The following LINGO2 variants were observed in gnomAD, a reference collection of about 807,000 sequenced individuals.
LINGO2 encodes the protein leucine-rich repeat and immunoglobulin-like domain-containing nogo receptor-interacting protein 2.
A neutral mutation model predicts 30.6 loss-of-function variants in LINGO2; 14 were observed. The observed-to-expected ratio is 0.46, with a 90% confidence interval of 0.30 to 0.72. The LOEUF is 0.72. Among genes scored for constraint, LINGO2 ranks in the 30% least tolerant of loss-of-function variants. LINGO2 has a pLI of 0.07. For synonymous variants in LINGO2, 317 were observed against 288.5 expected, an observed-to-expected ratio of 1.10 and a Z score of -1.00; for missense variants, 729 against 751.7, an observed-to-expected ratio of 0.97 and a Z score of 0.35.
the LINGO2 span, among the ~76,000 whole-genome samples, chr9:29,206,729 G>A: frequency 1.3e-5 from 2 of 152,026 alleles, no homozygotes; most frequent in Admixed American, 6.6e-5. Flanking sequence ...GCTTATCACC[G>A]ATTTTTGTCT....
chr9:28,215,521 A>G (rs1324724649), intron 4 of LINGO2, among the ~76,000 whole-genome samples: 1 of 151,868 alleles, frequency 6.6e-6, no homozygotes, highest in East Asian at 1.9e-4. Context: ...TGCTTAAATC[A>G]CATTTTTTGA....
the LINGO2 span, among the ~76,000 whole-genome samples, chr9:29,107,387 C>A: frequency 6.6e-6 from 1 of 151,932 alleles, no homozygotes; most frequent in African/African-American, 2.4e-5. Context: ...ATGAATCGTA[C>A]GATTTTAAGA....
At chr9:28,241,400 C>A (rs1313618532) in intron 4 of LINGO2, among the ~76,000 whole-genome samples, 1 of 151,796 alleles carries the variant, frequency 6.6e-6, no homozygotes, top group Middle Eastern at 3.2e-3. Flanking sequence ...GTGTGCAAGT[C>A]CTGCAGTGGT....
At chr9:29,055,800 T>C in the LINGO2 span, among the ~76,000 whole-genome samples, 3 of 151,896 alleles carry the variant, frequency 2.0e-5, no homozygotes, top group Admixed American at 6.6e-5. Flanking sequence ...CACTTATGAG[T>C]GAGAACATGC....
intron 4 of LINGO2, among the ~76,000 whole-genome samples, chr9:28,174,919 TGTGAGAGAGA>T (rs1684040268): frequency 2.1e-5 from 3 of 142,382 alleles, no homozygotes; most frequent in African/African-American, 8.2e-5. Context: ...TGTGTGTGTG[TGTGAGAGAGA>T]GAGAGAGAGA....
At chr9:29,074,785 A>G in the LINGO2 span, among the ~76,000 whole-genome samples, 4 of 142,372 alleles carry the variant, frequency 2.8e-5, no homozygotes, top group African/African-American at 1.1e-4. Context: ...TCCCAGGTTC[A>G]GCCTCCCGAG....
chr9:28,264,774 A>G (rs1247579232), intron 4 of LINGO2, among the ~76,000 whole-genome samples: 1 of 151,972 alleles, frequency 6.6e-6, no homozygotes, highest in African/African-American at 2.4e-5. Context: ...TCATGTGTCA[A>G]ATTGGCTAGG....
Position 27,982,063 on chromosome 9 carries a change from C to G in LINGO2, c.-36+30292G>C, listed in dbSNP as rs531158834. Among the ~76,000 whole-genome samples the G allele has an allele frequency of 2.7e-4, 41 of 151,858 alleles. 1 individual carries two copies. Among genetic ancestry groups the G allele is most frequent in the African/African-American group, 9.9e-4 (41 of 41,476 alleles). ...TCTGTGAAAACTGACTTTTCCTTCC[C>G]TCATGAAATTTTAAATTACAGCCTG... On this transcript the variant is annotated intron_variant, in intron 5 of 5. Transcript: ENST00000379992.
At chr9:29,177,708 G>T in the LINGO2 span, among the ~76,000 whole-genome samples, 11 of 151,942 alleles carry the variant, frequency 7.2e-5, no homozygotes, top group African/African-American at 2.7e-4. Context: ...AATACTTTAG[G>T]TATTCTTAGT....
At chr9:28,764,646 A>T in the LINGO2 span, among the ~76,000 whole-genome samples, 1 of 151,954 alleles carries the variant, frequency 6.6e-6, no homozygotes, top group African/African-American at 2.4e-5. Context: ...TGGAAATACT[A>T]GCAAGAGCAA....
chr9:28,931,145 C>T, the LINGO2 span, among the ~76,000 whole-genome samples: 1 of 152,168 alleles, frequency 6.6e-6, no homozygotes, highest in African/African-American at 2.4e-5. Flanking sequence ...CCATATACTC[C>T]ATGGTATGAT....
At chr9:29,154,175 T>G in the LINGO2 span, among the ~76,000 whole-genome samples, 3 of 152,252 alleles carry the variant, frequency 2.0e-5, no homozygotes, top group African/African-American at 7.2e-5. Flanking sequence ...CCAGGCACGG[T>G]GGCTCACACC....
At chr9:27,970,064 A>T (rs191693559) in intron 5 of LINGO2, among the ~76,000 whole-genome samples, 2 of 152,236 alleles carry the variant, frequency 1.3e-5, no homozygotes, top group African/African-American at 4.8e-5. Flanking sequence ...TGTTCTCAGC[A>T]TGAAAAATCC....
intron 4 of LINGO2, among the ~76,000 whole-genome samples, chr9:28,085,469 C>T (rs966499702): frequency 1.3e-4 from 20 of 152,114 alleles, no homozygotes; most frequent in Admixed American, 2.0e-4. Context: ...CTGGCTTTAA[C>T]GTGAGAAAGC....
At chr9:29,027,126 T>C in the LINGO2 span, among the ~76,000 whole-genome samples, 1 of 152,020 alleles carries the variant, frequency 6.6e-6, no homozygotes, top group Non-Finnish European at 1.5e-5. Flanking sequence ...GGTAAAAAAA[T>C]ATAGTTATTA....
chr9:28,300,132 A>G (rs1824083127), intron 3 of LINGO2, among the ~76,000 whole-genome samples: 5 of 151,904 alleles, frequency 3.3e-5, no homozygotes, highest in South Asian at 2.1e-4. Flanking sequence ...AATGGAAAAA[A>G]AAAAAAAAAA....
At chr9:28,512,580 G>GAT (rs1820433358) in intron 1 of LINGO2, among the ~76,000 whole-genome samples, 10 of 87,106 alleles carry the variant, frequency 1.1e-4, no homozygotes, top group African/African-American at 3.2e-4. Context: ...GAACTAACAG[G>GAT]ATATATATGT....
At chr9:28,883,628 G>GTATATATATATATATATA in the LINGO2 span, among the ~76,000 whole-genome samples, 1 of 64,166 alleles carries the variant, frequency 1.6e-5, no homozygotes, top group African/African-American at 5.8e-5. Flanking sequence ...ATGTGTGTGT[G>GTATATATATATATATATA]TATATATATA....
rs531578257 is a variant in LINGO2 at position 28,589,999 on chromosome 9, T to C, written c.-365+80201A>G. On this transcript the variant is annotated intron_variant, in intron 1 of 5. Transcript: ENST00000379992. ...AGAACAGAGCCCTCAGAGATAATGC[T>C]GCATATCTACAACCATCTGATCTTT... 1.8e-4 allele frequency among the ~76,000 whole-genome samples: 28 copies of C among 152,112 alleles called. No individual in the cohort carries two copies. The South Asian group carries it at 5.0e-3, about 27-fold the overall frequency.
Sources: allele counts gnomAD v4.1 joint callset (sites outside exome capture counted in the v4.1 genomes callset), GRCh38; gene constraint gnomAD v4.1.1; transcripts MANE v1.5; gene names NCBI Gene and HGNC (gene_info 2026-07-23, HGNC 2026-07-21).